DCAF10: variants seen among roughly 807,000 people sequenced by gnomAD.
DCAF10 encodes the protein DDB1 and CUL4 associated factor 10.
Under a neutral mutation model 51.9 loss-of-function variants are expected in DCAF10, and 19 were observed. The ratio of observed to expected loss-of-function variants is 0.37; its 90% CI spans 0.26 to 0.54. DCAF10 has a LOEUF of 0.54. Among genes scored for constraint, DCAF10 ranks in the 20% least tolerant of loss-of-function variants. DCAF10 has a pLI of 0.87. For synonymous variants in DCAF10, 291 were observed against 297.1 expected (o/e 0.98, Z 0.21); for missense variants, 510 against 730.6 (o/e 0.70, Z 3.48).
At chr9:37,853,431 A>G in intron 3 of DCAF10, among the ~76,000 whole-genome samples, 1 of 146,186 alleles carries the variant, frequency 6.8e-6, no homozygotes, top group East Asian at 2.0e-4. Context: ...AAAAAAAAAA[A>G]ATTCTGAGGG....
intron 3 of DCAF10, among the ~76,000 whole-genome samples, chr9:37,850,953 A>G (rs1230769034): frequency 6.8e-5 from 10 of 147,676 alleles, no homozygotes; most frequent in African/African-American, 2.5e-4. Flanking sequence ...AAAAAAACTC[A>G]TTTTTTTAGG....
intron 1 of DCAF10, among the ~76,000 whole-genome samples, chr9:37,806,301 C>T (rs1829112228): frequency 6.6e-6 from 1 of 152,098 alleles, no homozygotes; most frequent in African/African-American, 2.4e-5. Flanking sequence ...TTGGGACTTC[C>T]TATAGTAACC....
chr9:37,832,539 C>T (rs1830038743), intron 2 of DCAF10, among the ~76,000 whole-genome samples: 1 of 152,056 alleles, frequency 6.6e-6, no homozygotes, highest in African/African-American at 2.4e-5. Flanking sequence ...TGGCGTGCTG[C>T]TGATTGTTAA....
chr9:37,848,775 C>T (rs955929505), intron 3 of DCAF10, among the ~76,000 whole-genome samples: 3 of 151,942 alleles, frequency 2.0e-5, no homozygotes, highest in Admixed American at 6.6e-5. Flanking sequence ...GAGTTTGAGA[C>T]CAGCCTGGCC....
chr9:37,807,254 G>A (rs981089687), intron 1 of DCAF10, among the ~76,000 whole-genome samples: 1 of 152,302 alleles, frequency 6.6e-6, no homozygotes, highest in Non-Finnish European at 1.5e-5. Context: ...GGCTGAAGGT[G>A]GAGGATTGCT....
chr9:37,857,120 C>A, intron 4 of DCAF10, 121 bp from the exon 5 acceptor site: 1 of 651,952 alleles, frequency 1.5e-6, no homozygotes, highest in Non-Finnish European at 2.5e-6. Flanking sequence ...TCTTATAGGC[C>A]AGTGATATAT....
chr9:37,842,056 AT>A, intron 2 of DCAF10, 32 bp from the exon 3 acceptor site: 1 of 1,584,030 alleles, frequency 6.3e-7, no homozygotes, highest in Non-Finnish European at 8.6e-7. Context: ...AAGAGATTAA[AT>A]GAACCAGGGT....
chr9:37,834,663 C>T (rs1468285177), intron 2 of DCAF10, among the ~76,000 whole-genome samples: 4 of 152,110 alleles, frequency 2.6e-5, no homozygotes, highest in Non-Finnish European at 5.9e-5. Context: ...TTTCTGTAGA[C>T]CGAATAAAAT....
intron 3 of DCAF10, among the ~76,000 whole-genome samples, chr9:37,850,116 C>T (rs1054784841): frequency 6.6e-6 from 1 of 152,180 alleles, no homozygotes; most frequent in Non-Finnish European, 1.5e-5. Context: ...AAGTTTTCTA[C>T]TCCCTGTTCT....
At position 37,819,348 on chromosome 9, in the gene DCAF10, A is replaced by G. The variant is rs540246681; in HGVS notation, c.600A>G (p.Ser200=). ...TTCTGCTTTTTGACCCTATATCTTC[A>G]AAGCACATAAAAACACTTTCTGAAG... ...TEVLLFDPIS[S]KHIKTLSEAH... The change falls in exon 2 of 7, where the codon TCA becomes TCG. Residue 200 remains serine, a synonymous_variant. Transcript: ENST00000377724. The G allele has an allele frequency of 8.1e-6, 13 of 1,613,934 alleles. No homozygotes were observed. In the East Asian group the frequency reaches 1.3e-4, roughly 17 times the overall value.
chr9:37,861,636 T>G lies in DCAF10; in HGVS notation c.*128T>G. 1.5e-6 allele frequency: 2 copies of G among 1,327,564 alleles called. No individual in the cohort carries two copies. The highest frequency in any genetic ancestry group is 1.0e-6 in the Non-Finnish European group (1 of 985,970). 82.2% of individuals were successfully genotyped at this position (1,327,564 alleles called of 1,614,324 possible). ...CAAGATCCTGGTTCTTATGGGTCCA[T>G]GAACACACTTGTGACCTTAGTACTT... is the stretch of plus-strand genomic sequence containing the variant. On this transcript the variant is annotated 3_prime_UTR_variant, in exon 7 of 7. Coordinates refer to ENST00000377724, the MANE Select transcript of DCAF10 (RefSeq NM_024345.5). The surrounding 1 kb of genome is among the most constrained non-coding windows in gnomAD (Gnocchi z 4.9).
rs536066914 is a variant in DCAF10, at chr9:37,834,029, C to A, written c.654-8060C>A. 5.3e-5 allele frequency among the ~76,000 whole-genome samples: 8 copies of A among 152,170 alleles called. No individual in the cohort carries two copies. The East Asian group carries it at 1.5e-3, about 29-fold the overall frequency. ...ATCTCGGCTCACTGCAGCCTCCGCCCCGCCAGCTCAAGCGATTCTCCTGCG... is the reference window on the plus strand; with the variant it reads ...ATCTCGGCTCACTGCAGCCTCCGCCACGCCAGCTCAAGCGATTCTCCTGCG... On this transcript the variant is annotated intron_variant, in intron 2 of 6. Transcript: ENST00000377724.
intron 1 of DCAF10, among the ~76,000 whole-genome samples, chr9:37,806,061 G>T (rs1442394485): frequency 6.6e-6 from 1 of 152,106 alleles, no homozygotes; most frequent in Non-Finnish European, 1.5e-5. Flanking sequence ...TCCAGCCTGG[G>T]CAACAGAGAC....
At chr9:37,805,280 G>T (rs1194366830) in intron 1 of DCAF10, among the ~76,000 whole-genome samples, 7 of 152,074 alleles carry the variant, frequency 4.6e-5, no homozygotes, top group Non-Finnish European at 8.8e-5. Context: ...TCAGGAGTGT[G>T]AGACCAGCCT....
At chr9:37,832,694 A>G (rs764094150) in intron 2 of DCAF10, among the ~76,000 whole-genome samples, 70 of 152,218 alleles carry the variant, frequency 4.6e-4, no homozygotes, top group Non-Finnish European at 8.8e-4. Context: ...GCAGATAATG[A>G]TATCATAGAA....
At chr9:37,839,417 A>G (rs1442077573) in intron 2 of DCAF10, among the ~76,000 whole-genome samples, 1 of 151,954 alleles carries the variant, frequency 6.6e-6, no homozygotes, top group Non-Finnish European at 1.5e-5. Flanking sequence ...CGTTATTTTT[A>G]AAATAAGAGA....
At chr9:37,815,847 G>A (rs1219018245) in intron 1 of DCAF10, among the ~76,000 whole-genome samples, 1 of 152,112 alleles carries the variant, frequency 6.6e-6, no homozygotes, top group Non-Finnish European at 1.5e-5. Context: ...AGGCTGGAGT[G>A]CAGTGGCATG....
rs776747899 is a variant in DCAF10, at chr9:37,832,952, G to A, written c.654-9137G>A. 9.2e-5 allele frequency among the ~76,000 whole-genome samples: 14 copies of A among 152,088 alleles called. No homozygotes were observed. In the East Asian group the frequency reaches 2.1e-3, roughly 23 times the overall value. Reference sequence around the variant, plus strand: ...AGACTAGGCTGGTGTGCAGTGGCACGATCATTGCTCACTGCAACTTCTGCC... The same window carrying A: ...AGACTAGGCTGGTGTGCAGTGGCACAATCATTGCTCACTGCAACTTCTGCC... On this transcript the variant is annotated intron_variant, in intron 2 of 6. Transcript: ENST00000377724.
intron 2 of DCAF10, among the ~76,000 whole-genome samples, chr9:37,832,700 T>C (rs1181209391): frequency 6.6e-6 from 1 of 152,104 alleles, no homozygotes; most frequent in South Asian, 2.1e-4. Context: ...AATGATATCA[T>C]AGAATTAAGA....
Sources: gnomAD v4.1 joint callset for allele counts (sites outside exome capture counted in the v4.1 genomes callset) on GRCh38, gnomAD v4.1.1 for gene constraint, Gnocchi (gnomAD v3.1) non-coding constraint, MANE v1.5 for transcripts, NCBI Gene and HGNC (gene_info 2026-07-23, HGNC 2026-07-21) for gene names.